The following BIN1 variants were observed in gnomAD, a reference collection of about 807,000 sequenced individuals.
BIN1 encodes the protein bridging integrator 1, also known as myc box-dependent-interacting protein 1.
A neutral mutation model predicts 82.0 loss-of-function variants in BIN1; 53 were observed. The observed-to-expected ratio is 0.65, with a 90% CI of 0.52 to 0.81. The LOEUF is 0.81. Ranked by LOEUF, BIN1 falls within the 40% of genes least tolerant of loss-of-function variation. BIN1 has a pLI of 0.00. For missense variants in BIN1, 642 were observed against 784.4 expected (o/e 0.82, Z 2.17); for synonymous variants, 302 against 328.0 (o/e 0.92, Z 0.86).
intron 1 of BIN1, among the ~76,000 whole-genome samples, chr2:127,077,900 G>A (rs913862037): frequency 6.6e-6 from 1 of 152,114 alleles, no homozygotes; most frequent in African/African-American, 2.4e-5. Context: ...GAAGGAAACG[G>A]GGGTAGGGGA....
rs1177214271 is a variant in BIN1, at chr2:127,067,426, C to T, written c.612+737G>A. ...GGCAGGGGGCTGAGAAGACCATAGC[C>T]TCTATGGCCAGGATGGTGAGATGGC... On this transcript the variant is annotated intron_variant, in intron 7 of 18. Transcript: ENST00000316724. This position sits in a 1 kb window ranked among gnomAD's most constrained non-coding sequence, Gnocchi z 4.7. 6.6e-6 allele frequency among the ~76,000 whole-genome samples: 1 copy of T among 152,212 alleles called. No individual in the cohort carries two copies. Among genetic ancestry groups the T allele is most frequent in the Non-Finnish European group, 1.5e-5 (1 of 68,030 alleles).
At chr2:127,071,706 C>T (rs3768857) in intron 2 of BIN1, among the ~76,000 whole-genome samples, 24,207 of 152,158 alleles carry the variant, frequency 0.16, 2,291 homozygotes, top group East Asian at 0.29. Context: ...CCAGAAGCCA[C>T]GTGCAAAGAG....
At chr2:127,097,487 G>A (rs1679757027) in intron 1 of BIN1, among the ~76,000 whole-genome samples, 1 of 152,166 alleles carries the variant, frequency 6.6e-6, no homozygotes, top group African/African-American at 2.4e-5. Context: ...GCATGCATGG[G>A]ACAGGGCAGG....
At chr2:127,096,285 G>T (rs1679597351) in intron 1 of BIN1, among the ~76,000 whole-genome samples, 1 of 152,224 alleles carries the variant, frequency 6.6e-6, no homozygotes, top group Non-Finnish European at 1.5e-5. Flanking sequence ...GGAGAGAATG[G>T]CAGGGAAGCT....
chr2:127,057,482 G>A lies in BIN1; in HGVS notation c.1122C>T (p.Thr374=), dbSNP rs1386270090. The A allele has an allele frequency of 1.9e-6, 3 of 1,547,382 alleles. No individual in the cohort carries two copies. Among genetic ancestry groups the A allele is most frequent in the Non-Finnish European group, 1.7e-6 (2 of 1,144,452 alleles). ...GGCGGCCGCGGCTGACCTGGGAGGG[G>A]GTGGTCACGCTGATCTCAGGGACAA... The part of the protein sequence containing the change: ...DTFVPEISVT[T]PSQFEAPGPF... The change falls in exon 12 of 19, where the codon ACC becomes ACT. Residue 374 remains threonine (T), a synonymous_variant. Transcript: ENST00000316724. This position sits in a 1 kb window ranked among gnomAD's most constrained non-coding sequence, Gnocchi z 5.0.
intron 1 of BIN1, 107 bp downstream of exon 1, chr2:127,106,753 A>T (rs1338057567): frequency 7.2e-7 from 1 of 1,383,528 alleles, no homozygotes; most frequent in Non-Finnish European, 9.8e-7. Context: ...TGACAGCACC[A>T]GATCCTGGCG....
At chr2:127,054,698 C>T (rs75131076) in intron 12 of BIN1, 16,439 of 153,018 alleles carry the variant, frequency 0.11, 989 homozygotes, top group South Asian at 0.19. Context: ...TGGGTTAAAA[C>T]TGCAGGCCCC....
intron 18 of BIN1, among the ~76,000 whole-genome samples, chr2:127,050,147 G>A (rs1008127372): frequency 6.6e-6 from 1 of 152,206 alleles, no homozygotes; most frequent in Admixed American, 6.5e-5. Flanking sequence ...GCAAAGGGGG[G>A]ACGTGGGGAG....
At position 127,082,498 on chromosome 2, in the gene BIN1, G is replaced by A. The variant is rs1687427130; in HGVS notation, c.85-5792C>T. Among the ~76,000 whole-genome samples, 1 of 151,996 alleles carries A rather than the reference G, an allele frequency of 6.6e-6. No individual in the cohort carries two copies. The highest frequency in any genetic ancestry group is 2.1e-4 in the South Asian group (1 of 4,810). ...CAGGCCATGGTGGGCGCCCAGGCAG[G>A]GGAAGGGGTACAAGGCCCTCTGCCT... is the stretch of plus-strand genomic sequence containing the variant. On this transcript the variant is annotated intron_variant, in intron 1 of 18. Coordinates refer to ENST00000316724, the MANE Select transcript of BIN1 (RefSeq NM_139343.3). This position sits in a 1 kb window ranked among gnomAD's most constrained non-coding sequence, Gnocchi z 6.1.
At chr2:127,097,694 C>G (rs1415902609) in intron 1 of BIN1, among the ~76,000 whole-genome samples, 1 of 152,230 alleles carries the variant, frequency 6.6e-6, no homozygotes. Context: ...AATTAAGATA[C>G]AGTCCTTGGC....
intron 5 of BIN1, among the ~76,000 whole-genome samples, chr2:127,069,282 G>C (rs1685551630): frequency 6.6e-6 from 1 of 152,170 alleles, no homozygotes; most frequent in East Asian, 1.9e-4. Context: ...TGACGTGTCA[G>C]CCAAGTCTTT....
At chr2:127,077,511 G>A (rs1573694490) in intron 1 of BIN1, among the ~76,000 whole-genome samples, 2 of 152,168 alleles carry the variant, frequency 1.3e-5, no homozygotes. Context: ...GGAAAGGAGG[G>A]CGCTGGCCAG....
intron 1 of BIN1, among the ~76,000 whole-genome samples, chr2:127,104,903 G>T (rs1056677871): frequency 6.6e-6 from 1 of 152,200 alleles, no homozygotes. Context: ...TGGGGGGAGG[G>T]TCCCTAACTA....
intron 1 of BIN1, among the ~76,000 whole-genome samples, chr2:127,095,781 C>T (rs1464383106): frequency 6.6e-6 from 1 of 152,184 alleles, no homozygotes; most frequent in African/African-American, 2.4e-5. Flanking sequence ...CCTCACAGGG[C>T]ACAGAGAGAA....
Position 127,057,548 on chromosome 2 carries a change from T to G in BIN1, c.1056A>C (p.Glu352Asp), listed in dbSNP as rs1389909462. The part of the protein sequence containing the change: ...PPPPKHTPSK[E>D]VKQEQILSLF... ...GGCTGAGGATCTGCTCCTGCTTGAC[T>G]TCCTTGGACGGGGTGTGTTTGGGAG... Residue 352 changes from glutamate (E) to aspartate (D), a missense_variant, in exon 12 of 19, where the codon GAA becomes GAC. Transcript: ENST00000316724. This position sits in a 1 kb window ranked among gnomAD's most constrained non-coding sequence, Gnocchi z 5.0. 4 of 1,544,368 alleles carry G rather than the reference T, an allele frequency of 2.6e-6. No homozygotes were observed. The highest frequency in any genetic ancestry group is 4.9e-5 in the East Asian group (2 of 40,656).
At position 127,068,365 on chromosome 2, in the gene BIN1, C is replaced by T. The variant is rs968482290; in HGVS notation, c.520-110G>A. 38 of 824,080 alleles carry T rather than the reference C, an allele frequency of 4.6e-5. No homozygotes were observed. In the African/African-American group the frequency reaches 5.1e-4, roughly 11 times the overall value. 51.0% of individuals were successfully genotyped at this position (824,080 alleles called of 1,614,324 possible). On this transcript the variant is annotated intron_variant, in intron 6 of 18. Transcript: ENST00000316724. The surrounding 1 kb of genome is among the most constrained non-coding windows in gnomAD (Gnocchi z 4.9). ...GGTCCACACGCCCCACGCGCGGGGG[C>T]CACCCCAAGCAGATATGGGCCCTTG... is the stretch of plus-strand genomic sequence containing the variant.
intron 15 of BIN1, 73 bp downstream of exon 15, chr2:127,052,182 C>T (rs944232595): frequency 3.2e-5 from 47 of 1,458,816 alleles, no homozygotes; most frequent in South Asian, 3.7e-5. Flanking sequence ...AACCCCTCCT[C>T]GGGGCTCTCC....
At chr2:127,080,538 A>G (rs1687155173) in intron 1 of BIN1, among the ~76,000 whole-genome samples, 1 of 152,150 alleles carries the variant, frequency 6.6e-6, no homozygotes, top group Admixed American at 6.5e-5. Context: ...CACACTTATC[A>G]CGCACACTCA....
At position 127,050,837 on chromosome 2, in the gene BIN1, C is replaced by A; in HGVS notation, c.1537G>T (p.Gly513Trp). The stretch of plus-strand genomic sequence containing the variant: ...AAACCTGGGGGCAGGTCCAAGCGCC[C>A]GGCCCCACTGCCGCCCTCCACGGTG... ...NGTVEGGSGA[G>W]RLDLPPGFMF... is the part of the protein sequence containing the mutation. The change falls in exon 17 of 19, where the codon GGG (glycine) becomes TGG (tryptophan). Residue 513 changes from glycine to tryptophan, a missense_variant. By Grantham distance (184) the Gly-to-Trp change is radical (BLOSUM62 -2). Transcript: ENST00000316724. 6.2e-7 allele frequency: 1 copy of A among 1,613,748 alleles called. No individual in the cohort carries two copies. The highest frequency in any genetic ancestry group is 8.5e-7 in the Non-Finnish European group (1 of 1,180,022).
Sources: gnomAD v4.1 joint callset for allele counts (sites outside exome capture counted in the v4.1 genomes callset) on GRCh38, gnomAD v4.1.1 for gene constraint, Gnocchi (gnomAD v3.1) non-coding constraint, MANE v1.5 for transcripts, NCBI Gene and HGNC (gene_info 2026-07-23, HGNC 2026-07-21) for gene names.